The following CSMD1 variants were observed in gnomAD, a reference collection of about 807,000 sequenced individuals.
CSMD1 encodes the protein CUB and Sushi multiple domains 1, also known as CUB and sushi domain-containing protein 1.
In CSMD1, 213 loss-of-function variants were observed where a neutral mutation model predicts 417.5. That is an observed-to-expected ratio of 0.51 (90% CI 0.46 to 0.57). The LOEUF is 0.57. CSMD1 is among the 20% of genes least tolerant of loss of function. The probability of loss-of-function intolerance (pLI) is 0.00; values close to 1 mark genes in which losing one functional copy is unlikely to be tolerated. For missense variants in CSMD1, 6,923 were observed against 4,529.7 expected (o/e 1.53, Z -15.17); for synonymous variants, 2,862 against 1,736.8 (o/e 1.65, Z -16.11).
intron 2 of CSMD1, among the ~76,000 whole-genome samples, chr8:4,532,328 C>T (rs1796862777): frequency 6.7e-6 from 1 of 149,844 alleles, no homozygotes; most frequent in Admixed American, 6.6e-5. Context: ...CCTGCACCTC[C>T]ATTCAGTCAC....
At chr8:3,846,525 G>T (rs1421271906) in intron 5 of CSMD1, among the ~76,000 whole-genome samples, 1 of 152,174 alleles carries the variant, frequency 6.6e-6, no homozygotes, top group East Asian at 1.9e-4. Context: ...CACAGGAATG[G>T]TGGGTGGATT....
chr8:4,812,893 G>T (rs1014091896), intron 1 of CSMD1, among the ~76,000 whole-genome samples: 1 of 152,056 alleles, frequency 6.6e-6, no homozygotes, highest in Non-Finnish European at 1.5e-5. Context: ...TGAGAAACAG[G>T]TAATATTGCT....
intron 5 of CSMD1, among the ~76,000 whole-genome samples, chr8:3,837,239 A>C (rs1802771249): frequency 6.6e-6 from 1 of 152,202 alleles, no homozygotes; most frequent in African/African-American, 2.4e-5. Context: ...TGCATAGCTA[A>C]AGCTTATTCA....
chr8:3,623,730 C>T (rs1354078289), intron 7 of CSMD1, among the ~76,000 whole-genome samples: 2 of 152,108 alleles, frequency 1.3e-5, no homozygotes, highest in Non-Finnish European at 2.9e-5. Context: ...AATCCTAGCA[C>T]TTTGGGAGGC....
intron 2 of CSMD1, among the ~76,000 whole-genome samples, chr8:4,520,537 G>A (rs1217833884): frequency 6.6e-6 from 1 of 152,174 alleles, no homozygotes; most frequent in East Asian, 1.9e-4. Flanking sequence ...TGTCTTAGAA[G>A]CCAGAAAACC....
At chr8:3,371,629 C>A (rs192670257) in intron 18 of CSMD1, among the ~76,000 whole-genome samples, 373 of 152,160 alleles carry the variant, frequency 2.5e-3, no homozygotes, top group African/African-American at 8.6e-3. Flanking sequence ...TTTATAAAAG[C>A]CTCTTCCACA....
At chr8:3,653,681 G>C (rs1197168443) in intron 7 of CSMD1, among the ~76,000 whole-genome samples, 1 of 152,118 alleles carries the variant, frequency 6.6e-6, no homozygotes, top group Non-Finnish European at 1.5e-5. Context: ...TACAGCCCAA[G>C]TCCTGGCACT....
intron 3 of CSMD1, among the ~76,000 whole-genome samples, chr8:4,324,030 G>A (rs1206875812): frequency 6.6e-6 from 1 of 152,174 alleles, no homozygotes; most frequent in Non-Finnish European, 1.5e-5. Flanking sequence ...ACCCTTAGCA[G>A]GCCAGTTCCT....
intron 3 of CSMD1, among the ~76,000 whole-genome samples, chr8:4,314,470 A>T (rs1245545160): frequency 1.3e-5 from 2 of 152,204 alleles, no homozygotes; most frequent in African/African-American, 2.4e-5. Flanking sequence ...TTTCAATTGC[A>T]TCCGTTCCTT....
intron 5 of CSMD1, among the ~76,000 whole-genome samples, chr8:3,791,900 A>T (rs1325360029): frequency 6.6e-6 from 1 of 152,118 alleles, no homozygotes; most frequent in Non-Finnish European, 1.5e-5. Context: ...AGTTTTTGGC[A>T]TTGAAAGTAA....
At chr8:4,525,301 C>G (rs1796458333) in intron 2 of CSMD1, among the ~76,000 whole-genome samples, 1 of 152,116 alleles carries the variant, frequency 6.6e-6, no homozygotes, top group Non-Finnish European at 1.5e-5. Context: ...CTGTAGGTAG[C>G]TATGTGGCCA....
At chr8:4,628,873 T>A (rs1362142130) in intron 2 of CSMD1, among the ~76,000 whole-genome samples, 4 of 152,130 alleles carry the variant, frequency 2.6e-5, no homozygotes, top group Non-Finnish European at 5.9e-5. Context: ...GGTGTTTTAT[T>A]ATGAGTTTTT....
intron 5 of CSMD1, among the ~76,000 whole-genome samples, chr8:3,875,070 A>C (rs1805725478): frequency 6.6e-6 from 1 of 152,100 alleles, no homozygotes; most frequent in Non-Finnish European, 1.5e-5. Context: ...AGAAGAGCGG[A>C]CACAGAAAGG....
rs116304955 is a variant in CSMD1, at chr8:3,634,259, T to C, written c.1010-17462A>G. 2.3e-3 allele frequency among the ~76,000 whole-genome samples: 352 copies of C among 152,264 alleles called. 1 individual carries two copies. Among genetic ancestry groups the C allele is most frequent in the African/African-American group, 8.2e-3 (341 of 41,556 alleles). ...ATGGTGGGGGCCTTTGGCCACTTGG[T>C]CCAGCCACATGGTATTGGAGCACCC... On this transcript the variant is annotated intron_variant, in intron 7 of 69. Coordinates refer to ENST00000635120, the MANE Select transcript of CSMD1 (RefSeq NM_033225.6).
intron 3 of CSMD1, among the ~76,000 whole-genome samples, chr8:4,245,841 C>T (rs1013460423): frequency 6.6e-6 from 1 of 152,128 alleles, no homozygotes; most frequent in Non-Finnish European, 1.5e-5. Flanking sequence ...CACATCATTA[C>T]ATAATCACAT....
chr8:3,905,049 G>A (rs961772760), intron 5 of CSMD1, among the ~76,000 whole-genome samples: 10 of 152,124 alleles, frequency 6.6e-5, no homozygotes, highest in African/African-American at 2.2e-4. Context: ...GATTTTCTCT[G>A]TGGTTCCTTC....
intron 5 of CSMD1, among the ~76,000 whole-genome samples, chr8:3,957,725 G>A (rs2627501): frequency 0.74 from 112,380 of 151,226 alleles, 42,007 homozygotes; most frequent in East Asian, 0.95. Context: ...AAAAGAAAAA[G>A]GAAAAGAAAT....
In CSMD1 at chr8:3,552,485, C is replaced by T. The variant is rs62475796; in HGVS notation, c.1344+22460G>A. 2.0e-5 allele frequency among the ~76,000 whole-genome samples: 3 copies of T among 152,200 alleles called. No homozygotes were observed. In the South Asian group the frequency reaches 6.2e-4, roughly 31 times the overall value. ...AGCTTCCTCTGACCTGTGATAACTG[C>T]CTTTCTATCTCAGAAAACATTGCTA... On this transcript the variant is annotated intron_variant, in intron 10 of 69. Transcript: ENST00000635120.
intron 1 of CSMD1, among the ~76,000 whole-genome samples, chr8:4,665,516 C>A (rs138897247): frequency 6.6e-6 from 1 of 152,194 alleles, no homozygotes; most frequent in Non-Finnish European, 1.5e-5. Flanking sequence ...CTGTGGTCAG[C>A]CCTCTCCCCC....
Sources: gnomAD v4.1 joint callset for allele counts (sites outside exome capture counted in the v4.1 genomes callset) on GRCh38, gnomAD v4.1.1 for gene constraint, MANE v1.5 for transcripts, NCBI Gene and HGNC (gene_info 2026-07-23, HGNC 2026-07-21) for gene names.